The following EDIL3 variants were observed in gnomAD, a reference collection of about 807,000 sequenced individuals.
EDIL3 encodes EGF like and discoidin domains 3, also known as EGF-like repeat and discoidin I-like domain-containing protein 3.
EDIL3 carries 37 observed loss-of-function variants against 67.4 expected under a neutral mutation model. The observed-to-expected ratio is 0.55, with a 90% confidence interval of 0.42 to 0.72. EDIL3 has a LOEUF of 0.72. EDIL3 is among the 30% of genes least tolerant of loss of function. The pLI is 0.00. For missense variants in EDIL3, 527 were observed against 586.3 expected (o/e 0.90, Z 1.04); for synonymous variants, 195 against 196.3 (o/e 0.99, Z 0.05).
intron 4 of EDIL3, among the ~76,000 whole-genome samples, chr5:84,157,083 T>A (rs969110658): frequency 6.6e-6 from 1 of 152,136 alleles, no homozygotes; most frequent in African/African-American, 2.4e-5. Flanking sequence ...ACATAGCAGA[T>A]CAATAATAAA....
intron 9 of EDIL3, among the ~76,000 whole-genome samples, chr5:84,004,102 G>A (rs1445791871): frequency 1.3e-5 from 2 of 151,964 alleles, no homozygotes; most frequent in Non-Finnish European, 2.9e-5. Context: ...AATGATAAAT[G>A]GTTCAATTCA....
At chr5:84,348,591 GGC>G in intron 1 of EDIL3, among the ~76,000 whole-genome samples, 1 of 31,398 alleles carries the variant, frequency 3.2e-5, no homozygotes. Flanking sequence ...GTTCCTCTGT[GGC>G]AAAAAAAAAA....
chr5:84,218,741 C>G (rs1238001679), intron 3 of EDIL3, among the ~76,000 whole-genome samples: 1 of 152,180 alleles, frequency 6.6e-6, no homozygotes, highest in Non-Finnish European at 1.5e-5. Context: ...CTCAAGGGCC[C>G]TGGGGCCTCG....
At chr5:84,154,535 A>T (rs1748455789) in intron 4 of EDIL3, among the ~76,000 whole-genome samples, 1 of 151,690 alleles carries the variant, frequency 6.6e-6, no homozygotes, top group African/African-American at 2.4e-5. Flanking sequence ...ATCACGACAC[A>T]TTTAATGCTT....
chr5:84,092,601 T>G (rs1340643327), intron 6 of EDIL3, among the ~76,000 whole-genome samples: 3 of 152,152 alleles, frequency 2.0e-5, no homozygotes, highest in African/African-American at 7.2e-5. Flanking sequence ...AGGGTAAATA[T>G]TACAAATTTC....
chr5:84,031,761 G>T (rs1745927193), intron 9 of EDIL3, among the ~76,000 whole-genome samples: 1 of 152,176 alleles, frequency 6.6e-6, no homozygotes, highest in Non-Finnish European at 1.5e-5. Context: ...CACCCAGTCT[G>T]TAGTATTTTT....
chr5:84,076,795 C>T (rs951544643), intron 6 of EDIL3, among the ~76,000 whole-genome samples: 1 of 152,088 alleles, frequency 6.6e-6, no homozygotes, highest in African/African-American at 2.4e-5. Flanking sequence ...CAATATCTGC[C>T]TGATACCCAG....
intron 1 of EDIL3, among the ~76,000 whole-genome samples, chr5:84,367,406 A>G (rs1259346805): frequency 1.3e-5 from 2 of 152,198 alleles, no homozygotes; most frequent in Non-Finnish European, 2.9e-5. Flanking sequence ...AAAGGCAAAT[A>G]AAATGTGAGA....
intron 6 of EDIL3, among the ~76,000 whole-genome samples, chr5:84,097,136 A>G (rs1271159874): frequency 1.3e-5 from 2 of 152,190 alleles, no homozygotes; most frequent in Non-Finnish European, 2.9e-5. Context: ...CATGGTTTCA[A>G]TGCACATTGA....
chr5:84,278,110 G>A (rs1055009948), intron 1 of EDIL3, among the ~76,000 whole-genome samples: 1 of 152,084 alleles, frequency 6.6e-6, no homozygotes, highest in African/African-American at 2.4e-5. Flanking sequence ...AAAGTTAGAC[G>A]CAAACAGACA....
chr5:84,218,867 T>G (rs955840504), intron 3 of EDIL3, among the ~76,000 whole-genome samples: 1 of 152,154 alleles, frequency 6.6e-6, no homozygotes, highest in African/African-American at 2.4e-5. Context: ...GGACTTTGTC[T>G]TGTGCCTTCT....
Position 84,363,642 on chromosome 5 carries a change from T to C in EDIL3, c.67+20666A>G, listed in dbSNP as rs146404375. ...TTAATCTCATTTTTGTGCACAGGCA[T>C]TGGAACCTGAAAAAATTGAAATTTT... is the stretch of plus-strand genomic sequence containing the variant. On this transcript the variant is annotated intron_variant, in intron 1 of 10. Coordinates refer to ENST00000296591, the MANE Select transcript of EDIL3 (RefSeq NM_005711.5). Among the ~76,000 whole-genome samples the C allele has an allele frequency of 2.7e-3, 408 of 152,224 alleles. 2 individuals are homozygous for C. The highest frequency in any genetic ancestry group is 0.017 in the Middle Eastern group (5 of 292).
intron 1 of EDIL3, among the ~76,000 whole-genome samples, chr5:84,254,992 G>A (rs1745100490): frequency 6.6e-6 from 1 of 152,166 alleles, no homozygotes; most frequent in African/African-American, 2.4e-5. Context: ...GGTAACTGGG[G>A]AGGTAGAACA....
At chr5:84,331,227 T>C (rs1019766790) in intron 1 of EDIL3, among the ~76,000 whole-genome samples, 1 of 152,320 alleles carries the variant, frequency 6.6e-6, no homozygotes, top group South Asian at 2.1e-4. Flanking sequence ...GAGTTAATGA[T>C]GGAATAAGTT....
chr5:84,333,894 G>C (rs1012230978), intron 1 of EDIL3, among the ~76,000 whole-genome samples: 7 of 152,072 alleles, frequency 4.6e-5, no homozygotes, highest in African/African-American at 7.2e-5. Context: ...AACATTTTAG[G>C]TGATTAGGGA....
chr5:84,057,700 G>GA (rs1746474247), intron 9 of EDIL3, among the ~76,000 whole-genome samples: 1 of 152,080 alleles, frequency 6.6e-6, no homozygotes, highest in South Asian at 2.1e-4. Context: ...TTGAGAATAT[G>GA]TACCAGTTGG....
At chr5:84,334,213 C>T (rs926145712) in intron 1 of EDIL3, among the ~76,000 whole-genome samples, 1 of 151,858 alleles carries the variant, frequency 6.6e-6, no homozygotes, top group African/African-American at 2.4e-5. Context: ...AGGCACCCAC[C>T]ACCACACGCG....
At chr5:84,334,352 C>T (rs549254390) in intron 1 of EDIL3, among the ~76,000 whole-genome samples, 1 of 152,242 alleles carries the variant, frequency 6.6e-6, no homozygotes, top group South Asian at 2.1e-4. Context: ...GCATGAGCCA[C>T]CGCGCCTGGC....
chr5:83,956,434 GT>G (rs1561384849), intron 10 of EDIL3, among the ~76,000 whole-genome samples: 1 of 151,608 alleles, frequency 6.6e-6, no homozygotes, highest in Non-Finnish European at 1.5e-5. Flanking sequence ...TCCCTATTAT[GT>G]TCTCTGTGTA....
Sources: gnomAD v4.1 joint callset for allele counts (sites outside exome capture counted in the v4.1 genomes callset) on GRCh38, gnomAD v4.1.1 for gene constraint, MANE v1.5 for transcripts, NCBI Gene and HGNC (gene_info 2026-07-23, HGNC 2026-07-21) for gene names.